Variants in GALNT13 observed in about 807,000 individuals in gnomAD.
The protein encoded by GALNT13 is polypeptide N-acetylgalactosaminyltransferase 13, also known as UDP-GalNAc:polypeptide N-acetylgalactosaminyltransferase 13.
A neutral mutation model predicts 64.2 loss-of-function variants in GALNT13; 28 were observed. The ratio of observed to expected loss-of-function variants is 0.44; its 90% CI spans 0.32 to 0.60. GALNT13 has a LOEUF of 0.60. Ranked by LOEUF, GALNT13 falls within the 20% of genes least tolerant of loss-of-function variation. The pLI is 0.05. For synonymous variants in GALNT13, 214 were observed against 224.6 expected (o/e 0.95, Z 0.42); for missense variants, 577 against 669.8 (o/e 0.86, Z 1.53).
chr2:154,228,913 T>A (rs1425853623), intron 4 of GALNT13, among the ~76,000 whole-genome samples: 3 of 152,088 alleles, frequency 2.0e-5, no homozygotes, highest in Non-Finnish European at 4.4e-5. Flanking sequence ...AAGGTCAATT[T>A]CTATGTTTAT....
At chr2:153,793,138 A>C in the GALNT13 span, among the ~76,000 whole-genome samples, 1 of 151,626 alleles carries the variant, frequency 6.6e-6, no homozygotes, top group African/African-American at 2.4e-5. Context: ...TGCCCAGCTA[A>C]TTATTTTGTA....
intron 3 of GALNT13, among the ~76,000 whole-genome samples, chr2:154,000,933 T>A (rs1695862639): frequency 6.6e-6 from 1 of 152,000 alleles, no homozygotes; most frequent in Admixed American, 6.6e-5. Context: ...TCTCTCCCTT[T>A]AGGTCTATGT....
intron 4 of GALNT13, among the ~76,000 whole-genome samples, chr2:154,212,800 G>T (rs1687849690): frequency 6.6e-6 from 1 of 151,614 alleles, no homozygotes; most frequent in South Asian, 2.1e-4. Context: ...AAAGGAGGTT[G>T]CCAGTGAAGG....
At chr2:153,911,941 T>C (rs1316549174) in intron 2 of GALNT13, among the ~76,000 whole-genome samples, 3 of 152,184 alleles carry the variant, frequency 2.0e-5, no homozygotes, top group Non-Finnish European at 1.5e-5. Context: ...TGAATTTGAA[T>C]GTTGGCCTCC....
chr2:153,536,402 G>A, the GALNT13 span, among the ~76,000 whole-genome samples: 2 of 152,164 alleles, frequency 1.3e-5, no homozygotes, highest in Admixed American at 1.3e-4. Flanking sequence ...ATCTGGAGGA[G>A]GAGGGCATTC....
intron 3 of GALNT13, among the ~76,000 whole-genome samples, chr2:154,098,937 A>T (rs1433936668): frequency 6.6e-6 from 1 of 151,926 alleles, no homozygotes; most frequent in Non-Finnish European, 1.5e-5. Context: ...GTAGATACAC[A>T]GTAGTGGAGT....
chr2:154,223,641 G>C (rs975515992), intron 4 of GALNT13, among the ~76,000 whole-genome samples: 1 of 151,270 alleles, frequency 6.6e-6, no homozygotes, highest in African/African-American at 2.4e-5. Context: ...AGTAGAGACA[G>C]GGTTTCTCCC....
chr2:154,048,165 C>A (rs2105340579), intron 3 of GALNT13, among the ~76,000 whole-genome samples: 1 of 152,208 alleles, frequency 6.6e-6, no homozygotes, highest in South Asian at 2.1e-4. Context: ...AGAGTTGCTA[C>A]ACAATTTTAA....
At chr2:153,450,264 TAA>T in the GALNT13 span, among the ~76,000 whole-genome samples, 1 of 152,222 alleles carries the variant, frequency 6.6e-6, no homozygotes, top group Non-Finnish European at 1.5e-5. Context: ...AACTGCAAAT[TAA>T]GTTTCTTCCA....
chr2:153,224,804 A>T, the GALNT13 span, among the ~76,000 whole-genome samples: 1 of 152,238 alleles, frequency 6.6e-6, no homozygotes, highest in African/African-American at 2.4e-5. Context: ...TAAAAGGAGA[A>T]ATAGCACGAG....
At chr2:153,819,463 AGT>A in the GALNT13 span, among the ~76,000 whole-genome samples, 1 of 152,146 alleles carries the variant, frequency 6.6e-6, no homozygotes, top group African/African-American at 2.4e-5. Flanking sequence ...CAGAGACTTC[AGT>A]GCACTTCACC....
the GALNT13 span, among the ~76,000 whole-genome samples, chr2:153,253,060 C>A: frequency 6.6e-6 from 1 of 151,754 alleles, no homozygotes; most frequent in South Asian, 2.1e-4. Context: ...TTACCTTGGG[C>A]AGTATGGCCA....
the GALNT13 span, among the ~76,000 whole-genome samples, chr2:153,836,776 C>A: frequency 1.3e-5 from 2 of 150,800 alleles, no homozygotes; most frequent in East Asian, 3.9e-4. Flanking sequence ...TTTGTCCTTG[C>A]GATAGTTTAC....
At chr2:153,355,306 G>T in the GALNT13 span, among the ~76,000 whole-genome samples, 2 of 152,100 alleles carry the variant, frequency 1.3e-5, no homozygotes, top group Non-Finnish European at 2.9e-5. Context: ...TTTACAAAGA[G>T]ATGTTATGAA....
the GALNT13 span, among the ~76,000 whole-genome samples, chr2:153,826,203 G>A: frequency 6.6e-6 from 1 of 152,062 alleles, no homozygotes; most frequent in East Asian, 1.9e-4. Context: ...GGTGGTGCAG[G>A]GTATCACATG....
the GALNT13 span, among the ~76,000 whole-genome samples, chr2:153,775,620 G>C: frequency 3.3e-5 from 5 of 151,850 alleles, no homozygotes; most frequent in African/African-American, 1.2e-4. Flanking sequence ...TAAGATTAGG[G>C]ACACTAAGTC....
At chr2:154,237,125 G>C (rs908669746) in intron 4 of GALNT13, among the ~76,000 whole-genome samples, 2 of 151,808 alleles carry the variant, frequency 1.3e-5, no homozygotes, top group Admixed American at 6.6e-5. Flanking sequence ...TATGCAGCTT[G>C]AGACTTGTAT....
At chr2:154,252,518 G>A (rs1021453784) in intron 7 of GALNT13, among the ~76,000 whole-genome samples, 24 of 151,396 alleles carry the variant, frequency 1.6e-4, no homozygotes, top group East Asian at 1.6e-3. Context: ...CACCATGCCC[G>A]GCTAATTTTT....
chr2:153,191,967 G>GGTTAATTGATTTT, the GALNT13 span, among the ~76,000 whole-genome samples: 1 of 151,336 alleles, frequency 6.6e-6, no homozygotes, highest in Admixed American at 6.6e-5. Context: ...TTTTATGGGT[G>GGTTAATTGATTTT]GTTTATTGAT....
Sources: allele counts gnomAD v4.1 joint callset (sites outside exome capture counted in the v4.1 genomes callset), GRCh38; gene constraint gnomAD v4.1.1; transcripts MANE v1.5; gene names NCBI Gene and HGNC (gene_info 2026-07-23, HGNC 2026-07-21).